The following LYNX1 variants were observed in gnomAD, a reference collection of about 807,000 sequenced individuals.
LYNX1 encodes the protein ly-6/neurotoxin-like protein 1.
In LYNX1, 8 loss-of-function variants were observed where a neutral mutation model predicts 8.3. The ratio of observed to expected loss-of-function variants is 0.97; its 90% confidence interval spans 0.57 to 1.74. The LOEUF (loss-of-function observed/expected upper bound fraction) is 1.74, where lower values mean the gene tolerates loss of function less well. LYNX1 is among the 40% of genes most tolerant of loss of function. The probability of loss-of-function intolerance (pLI) is 0.00; values close to 1 mark genes in which losing one functional copy is unlikely to be tolerated. For missense variants in LYNX1, 158 were observed against 159.7 expected (o/e 0.99, Z 0.06); for synonymous variants, 73 against 67.9 (o/e 1.08, Z -0.37).
chr8:142,776,720 T>G (rs1479702998), intron 1 of LYNX1: 2 of 152,404 alleles, frequency 1.3e-5, no homozygotes, highest in Non-Finnish European at 2.9e-5. Flanking sequence ...GAATGCATTT[T>G]GAGCCCCTCC....
chr8:142,775,775 C>G (rs1396605882), intron 2 of LYNX1, 81 bp from the exon 3 acceptor site: 33 of 1,534,596 alleles, frequency 2.2e-5, no homozygotes, highest in Non-Finnish European at 2.9e-5. Context: ...AGGCCCCCAG[C>G]CCGTCACCTT....
At chr8:142,775,448 G>T (rs1211878802) in intron 3 of LYNX1, 85 bp from the exon 4 acceptor site, 1 of 1,582,980 alleles carries the variant, frequency 6.3e-7, no homozygotes, top group African/African-American at 1.3e-5. Flanking sequence ...ACAGCCATCA[G>T]GGCAGGGCCC....
upstream of LYNX1, among the ~76,000 whole-genome samples, chr8:142,777,491 C>CG (rs1563841747): frequency 9.6e-5 from 12 of 125,108 alleles, no homozygotes; most frequent in African/African-American, 3.9e-4. Context: ...GGACCCGCCT[C>CG]CTGGGCACCC....
Position 142,771,949 on chromosome 8 carries a change from T to A in LYNX1, c.*3218A>T. 1.0e-6 allele frequency: 1 copy of A among 985,992 alleles called. No homozygotes were observed. Among genetic ancestry groups the A allele is most frequent in the Non-Finnish European group, 1.2e-6 (1 of 830,090 alleles). 61.1% of individuals were successfully genotyped at this position (985,992 alleles called of 1,614,324 possible). Reference sequence around the variant, plus strand: ...CATGTCCCCAGGTCCCACCCCAGGGTCACTTCCTGTAGCTCCGACTTCTCT... The same window carrying A: ...CATGTCCCCAGGTCCCACCCCAGGGACACTTCCTGTAGCTCCGACTTCTCT... On this transcript the variant is annotated 3_prime_UTR_variant, in exon 4 of 4. Coordinates refer to ENST00000652477, the MANE Select transcript of LYNX1 (RefSeq NM_177477.4).
chr8:142,775,859 G>A, intron 2 of LYNX1, 47 bp downstream of exon 2: 1 of 1,609,434 alleles, frequency 6.2e-7, no homozygotes, highest in Non-Finnish European at 8.5e-7. Flanking sequence ...CAGCCCATCT[G>A]CCCTCAAAGT....
In LYNX1 at chr8:142,774,389, G is replaced by C. The variant is rs889554960; in HGVS notation, c.*778C>G. The C allele has an allele frequency of 6.7e-5, 66 of 985,680 alleles. No individual in the cohort carries two copies. Among genetic ancestry groups the C allele is most frequent in the Non-Finnish European group, 7.8e-5 (65 of 830,068 alleles). The allele number at this position is 985,680 out of a possible 1,614,324, so 61.1% of individuals were successfully genotyped here. On this transcript the variant is annotated 3_prime_UTR_variant, in exon 4 of 4. Transcript: ENST00000652477. The stretch of plus-strand genomic sequence containing the variant: ...CCCTGCCCAGAATAGCGCTGGCCGG[G>C]TCAGCGTCCAGGACCCACCAAATAT...
In LYNX1 at chr8:142,774,146, C is replaced by CCCAGGG; in HGVS notation, c.*1020_*1021insCCCTGG. 5.1e-6 allele frequency: 5 copies of CCCAGGG among 979,542 alleles called. No homozygotes were observed. Among genetic ancestry groups the CCCAGGG allele is most frequent in the Non-Finnish European group, 6.1e-6 (5 of 825,656 alleles). The allele number at this position is 979,542 out of a possible 1,614,324, so 60.7% of individuals were successfully genotyped here. The stretch of plus-strand genomic sequence containing the variant: ...CTGCGGGGGAGGGGCTGGGTCTCCG[C>CCCAGGG]CCTCCCCACCCCACCCTCCCCACTC... On this transcript the variant is annotated 3_prime_UTR_variant, in exon 4 of 4. Transcript: ENST00000652477.
At chr8:142,776,260 T>C (rs1436730094) in intron 1 of LYNX1, 139 bp from the exon 2 acceptor site, 1 of 482,674 alleles carries the variant, frequency 2.1e-6, no homozygotes, top group Non-Finnish European at 3.8e-6. Context: ...AGGAGACACT[T>C]GGGATGGGAC....
chr8:142,775,437 C>T, intron 3 of LYNX1, 74 bp from the exon 4 acceptor site: 1 of 1,587,786 alleles, frequency 6.3e-7, no homozygotes, highest in Non-Finnish European at 8.6e-7. Context: ...CCCCAGCATC[C>T]ACAGCCATCA....
chr8:142,773,014 C>A lies in LYNX1; in HGVS notation c.*2153G>T, dbSNP rs912453486. 3.0e-6 allele frequency: 3 copies of A among 985,612 alleles called. No homozygotes were observed. Among genetic ancestry groups the A allele is most frequent in the Non-Finnish European group, 3.6e-6 (3 of 830,048 alleles). 61.1% of individuals were successfully genotyped at this position (985,612 alleles called of 1,614,324 possible). On this transcript the variant is annotated 3_prime_UTR_variant, in exon 4 of 4. Transcript: ENST00000652477. The stretch of plus-strand genomic sequence containing the variant: ...TGAGCCATGGGTGGCCAGGTCTCCT[C>A]CCCATCACCCCACTGAGACTCGAGA...
At chr8:142,777,808 G>A (rs1029816590), upstream of LYNX1, 10 of 398,462 alleles carry the variant, frequency 2.5e-5, no homozygotes, top group African/African-American at 1.8e-4. Context: ...TCCCGCGGCA[G>A]CCCAGCCTTC....
rs1815265450 is a variant in LYNX1, at chr8:142,773,531, G to C, written c.*1636C>G. 9.1e-6 allele frequency: 9 copies of C among 985,512 alleles called. No homozygotes were observed. The highest frequency in any genetic ancestry group is 1.1e-5 in the Non-Finnish European group (9 of 830,018). 61.0% of individuals were successfully genotyped at this position (985,512 alleles called of 1,614,324 possible). ...GCACTGTCCTCCTCCAGCGGGAACT[G>C]GGTGTGCCCTCAGCAAGACTCTGCC... is the stretch of plus-strand genomic sequence containing the variant. On this transcript the variant is annotated 3_prime_UTR_variant, in exon 4 of 4. Transcript: ENST00000652477.
chr8:142,774,154 A>G lies in LYNX1; in HGVS notation c.*1013T>C. On this transcript the variant is annotated 3_prime_UTR_variant, in exon 4 of 4. Transcript: ENST00000652477. ...GAGGGGCTGGGTCTCCGCCCTCCCC[A>G]CCCCACCCTCCCCACTCCCGCCCCC... is the stretch of plus-strand genomic sequence containing the variant. The G allele has an allele frequency of 2.9e-5, 5 of 170,850 alleles. No individual in the cohort carries two copies. Among genetic ancestry groups the G allele is most frequent in the Non-Finnish European group, 3.7e-5 (5 of 134,120 alleles). The allele number at this position is 170,850 out of a possible 1,614,324, so 10.6% of individuals were successfully genotyped here. A position where few individuals can be genotyped will look rare whatever the true frequency, so the allele number is the denominator to read the frequency against.
At position 142,775,028 on chromosome 8, in the gene LYNX1, T is replaced by A; in HGVS notation, c.*139A>T. ...TGGTGGTTGGGGGAGGTCGGGTGTCTTCTTGCCCACAGTCCTGACCCTGGG... is the reference window on the plus strand; with the variant it reads ...TGGTGGTTGGGGGAGGTCGGGTGTCATCTTGCCCACAGTCCTGACCCTGGG... On this transcript the variant is annotated 3_prime_UTR_variant, in exon 4 of 4. Coordinates refer to ENST00000652477, the MANE Select transcript of LYNX1 (RefSeq NM_177477.4). The A allele has an allele frequency of 2.1e-6, 3 of 1,445,106 alleles. No individual in the cohort carries two copies. Among genetic ancestry groups the A allele is most frequent in the Non-Finnish European group, 2.7e-6 (3 of 1,102,692 alleles). 89.5% of individuals were successfully genotyped at this position (1,445,106 alleles called of 1,614,324 possible).
intron 3 of LYNX1, 80 bp downstream of exon 3, chr8:142,775,513 G>T: frequency 6.4e-7 from 1 of 1,552,878 alleles, no homozygotes. Context: ...CCTTCCTCAG[G>T]ACCCCCGCAT....
Position 142,771,832 on chromosome 8 carries a change from G to A in LYNX1, c.*3335C>T. ...CACTTCCCCAGGACCTCCGCCTGGA[G>A]GAAGCCTGCCCAGGGCCGCAGCCCT... is the stretch of plus-strand genomic sequence containing the variant. On this transcript the variant is annotated 3_prime_UTR_variant, in exon 4 of 4. Transcript: ENST00000652477. 2 of 985,910 alleles carry A rather than the reference G, an allele frequency of 2.0e-6. No homozygotes were observed. Among genetic ancestry groups the A allele is most frequent in the Non-Finnish European group, 2.4e-6 (2 of 830,008 alleles). 61.1% of individuals were successfully genotyped at this position (985,910 alleles called of 1,614,324 possible).
chr8:142,773,694 G>T lies in LYNX1; in HGVS notation c.*1473C>A, dbSNP rs982711478. The T allele has an allele frequency of 2.0e-6, 2 of 985,278 alleles. No homozygotes were observed. The highest frequency in any genetic ancestry group is 3.5e-5 in the African/African-American group (2 of 57,208). The allele number at this position is 985,278 out of a possible 1,614,324, so 61.0% of individuals were successfully genotyped here. On this transcript the variant is annotated 3_prime_UTR_variant, in exon 4 of 4. Coordinates refer to ENST00000652477, the MANE Select transcript of LYNX1 (RefSeq NM_177477.4). ...ACCCTCATTCCCTGATCCCCCAGGG[G>T]TCCTGCATCAAAGCTCTGGAGATGC...
Position 142,771,527 on chromosome 8 carries a change from T to C in LYNX1, c.*3640A>G. ...CCAGGTGGCTCTGTCCACCCTTCTGTCTGGGAGGCTCCTTAAGGCTGGGGA... is the reference window on the plus strand; with the variant it reads ...CCAGGTGGCTCTGTCCACCCTTCTGCCTGGGAGGCTCCTTAAGGCTGGGGA... On this transcript the variant is annotated 3_prime_UTR_variant, in exon 4 of 4. Transcript: ENST00000652477. 7 of 985,250 alleles carry C rather than the reference T, an allele frequency of 7.1e-6. No individual in the cohort carries two copies. The highest frequency in any genetic ancestry group is 8.4e-6 in the Non-Finnish European group (7 of 829,902). 61.0% of individuals were successfully genotyped at this position (985,250 alleles called of 1,614,324 possible).
chr8:142,773,118 C>T lies in LYNX1; in HGVS notation c.*2049G>A, dbSNP rs1371295451. 6.3e-5 allele frequency: 62 copies of T among 985,406 alleles called. No homozygotes were observed. Among genetic ancestry groups the T allele is most frequent in the Non-Finnish European group, 6.7e-5 (56 of 830,016 alleles). 61.0% of individuals were successfully genotyped at this position (985,406 alleles called of 1,614,324 possible). On this transcript the variant is annotated 3_prime_UTR_variant, in exon 4 of 4. Coordinates refer to ENST00000652477, the MANE Select transcript of LYNX1 (RefSeq NM_177477.4). ...AACCCGACAATGGGCTTGCGCAAGC[C>T]GCGCAGTGACTGCTCCCAGCCTCTC...
Sources: allele counts gnomAD v4.1 joint callset (sites outside exome capture counted in the v4.1 genomes callset), GRCh38; gene constraint gnomAD v4.1.1; transcripts MANE v1.5; gene names NCBI Gene and HGNC (gene_info 2026-07-23, HGNC 2026-07-21).